The following PCDH15 variants were observed in gnomAD, a reference collection of about 807,000 sequenced individuals.
The protein encoded by PCDH15 is protocadherin-15.
PCDH15 carries 129 observed loss-of-function variants against 178.5 expected under a neutral mutation model. That is an observed-to-expected ratio of 0.72 (90% CI 0.63 to 0.84). The LOEUF is 0.84. PCDH15 is among the 40% of genes least tolerant of loss of function. The pLI, the probability that PCDH15 is intolerant of heterozygous loss-of-function variation, is 0.00. For missense variants in PCDH15, 2,230 were observed against 2,099.9 expected (o/e 1.06, Z -1.21); for synonymous variants, 800 against 732.0 (o/e 1.09, Z -1.50).
At chr10:54,651,135 C>T (rs938252300) in intron 2 of PCDH15, among the ~76,000 whole-genome samples, 3 of 151,740 alleles carry the variant, frequency 2.0e-5, no homozygotes, top group African/African-American at 7.3e-5. Flanking sequence ...TATAAATGAG[C>T]CCTGGATAGA....
intron 2 of PCDH15, among the ~76,000 whole-genome samples, chr10:55,352,839 A>T (rs1844973888): frequency 6.6e-6 from 1 of 152,132 alleles, no homozygotes; most frequent in Non-Finnish European, 1.5e-5. Context: ...CACCAAAAAA[A>T]GGTCATAGTC....
At chr10:54,447,948 T>C (rs933158980) in intron 3 of PCDH15, among the ~76,000 whole-genome samples, 2 of 90,386 alleles carry the variant, frequency 2.2e-5, no homozygotes, top group Middle Eastern at 5.9e-3. Flanking sequence ...TGAGAAAGTA[T>C]ATTACTCAAT....
chr10:53,925,766 A>G (rs1277667411), intron 25 of PCDH15, among the ~76,000 whole-genome samples: 1 of 152,044 alleles, frequency 6.6e-6, no homozygotes, highest in Non-Finnish European at 1.5e-5. Context: ...GTGTGTTCAG[A>G]TGTGTGCAAA....
intron 2 of PCDH15, among the ~76,000 whole-genome samples, chr10:55,417,080 T>A (rs1417276253): frequency 6.6e-6 from 1 of 151,778 alleles, no homozygotes; most frequent in Non-Finnish European, 1.5e-5. Context: ...TTTTTAATTG[T>A]TTAAAAAAAT....
At chr10:53,969,530 A>C (rs2089439419) in intron 21 of PCDH15, among the ~76,000 whole-genome samples, 2 of 152,210 alleles carry the variant, frequency 1.3e-5, no homozygotes, top group Admixed American at 6.5e-5. Context: ...ACTCCTCAAG[A>C]AGAGCAACTC....
At position 54,329,659 on chromosome 10, in the gene PCDH15, T is replaced by C. The variant is rs1191388453; in HGVS notation, c.642A>G (p.Ile214Met). 2 of 1,609,350 alleles carry C rather than the reference T, an allele frequency of 1.2e-6. No individual in the cohort carries two copies. The highest frequency in any genetic ancestry group is 1.7e-6 in the Non-Finnish European group (2 of 1,176,126). The stretch of plus-strand genomic sequence containing the variant: ...CATAGTTGAGCCTCTTCCTTAACAC[T>C]ATATTTCCAGTCAACATTAGGGGAA... ...FEIPLMLTGNIVLRKRLNYED... is the reference protein window; with the variant it reads ...FEIPLMLTGNMVLRKRLNYED... Residue 214 changes from isoleucine (I) to methionine (M), a missense_variant, in exon 7 of 38, where the codon ATA becomes ATG. Physicochemically the swap from Ile to Met is conservative, Grantham distance 10. Transcript: ENST00000644397.
intron 2 of PCDH15, among the ~76,000 whole-genome samples, chr10:54,647,446 A>T (rs1197256092): frequency 6.6e-6 from 1 of 152,082 alleles, no homozygotes; most frequent in Non-Finnish European, 1.5e-5. Flanking sequence ...CTGATGAATA[A>T]CATTATGGTA....
At chr10:54,422,216 G>A (rs1955617173) in intron 3 of PCDH15, among the ~76,000 whole-genome samples, 1 of 151,760 alleles carries the variant, frequency 6.6e-6, no homozygotes, top group Admixed American at 6.6e-5. Context: ...CACAGAGGAT[G>A]GGATTCTAAA....
intron 2 of PCDH15, among the ~76,000 whole-genome samples, chr10:55,489,322 C>G (rs1251551168): frequency 6.6e-6 from 1 of 151,462 alleles, no homozygotes; most frequent in Non-Finnish European, 1.5e-5. Flanking sequence ...TTAGTCTTAC[C>G]ATACCAGCAG....
At chr10:55,223,129 C>A (rs1279726135) in intron 1 of PCDH15, among the ~76,000 whole-genome samples, 2 of 151,996 alleles carry the variant, frequency 1.3e-5, no homozygotes, top group East Asian at 3.9e-4. Flanking sequence ...CTTATGTGAC[C>A]GAGGTATTAA....
At chr10:53,892,530 G>A (rs11003917) in intron 26 of PCDH15, among the ~76,000 whole-genome samples, 79,150 of 151,976 alleles carry the variant, frequency 0.52, 22,347 homozygotes, top group Middle Eastern at 0.69. Flanking sequence ...TTTGTGTGGA[G>A]AGGGGGAAGA....
intron 3 of PCDH15, among the ~76,000 whole-genome samples, chr10:54,465,384 C>A (rs764110183): frequency 1.3e-5 from 2 of 152,008 alleles, no homozygotes; most frequent in Non-Finnish European, 2.9e-5. Context: ...CATTAACCTA[C>A]TCTCTTTATC....
At chr10:54,753,974 GA>G (rs1946706534) in intron 1 of PCDH15, among the ~76,000 whole-genome samples, 1 of 128,246 alleles carries the variant, frequency 7.8e-6, no homozygotes, top group Non-Finnish European at 1.7e-5. Flanking sequence ...ACGGCCGGCT[GA>G]TTTTTTTTTT....
At chr10:54,784,300 T>TA (rs1950637065) in intron 1 of PCDH15, among the ~76,000 whole-genome samples, 1 of 139,662 alleles carries the variant, frequency 7.2e-6, no homozygotes, top group Non-Finnish European at 1.5e-5. Context: ...TTTTAAAAAA[T>TA]AAAAAAATAA....
chr10:55,399,722 G>A (rs1265111393), intron 2 of PCDH15, among the ~76,000 whole-genome samples: 1 of 152,048 alleles, frequency 6.6e-6, no homozygotes, highest in African/African-American at 2.4e-5. Context: ...CTGTTCAAGG[G>A]CAAAAGCAAA....
intron 20 of PCDH15, among the ~76,000 whole-genome samples, chr10:54,016,142 A>T (rs1419720834): frequency 6.6e-6 from 1 of 152,138 alleles, no homozygotes; most frequent in East Asian, 1.9e-4. Context: ...GAAGACATAC[A>T]TATGGTGAAC....
At chr10:54,402,433 A>G (rs1952047582) in intron 3 of PCDH15, among the ~76,000 whole-genome samples, 1 of 152,024 alleles carries the variant, frequency 6.6e-6, no homozygotes, top group Admixed American at 6.6e-5. Flanking sequence ...ATGATCGTTT[A>G]TGTATAAAAT....
At chr10:54,588,560 G>A in intron 2 of PCDH15, among the ~76,000 whole-genome samples, 1 of 152,170 alleles carries the variant, frequency 6.6e-6, no homozygotes, top group East Asian at 1.9e-4. Context: ...AATCAGTGAT[G>A]TGCCATACTT....
chr10:54,881,218 G>C (rs11004617), intron 3 of PCDH15, among the ~76,000 whole-genome samples: 17,083 of 152,050 alleles, frequency 0.11, 1,317 homozygotes, highest in East Asian at 0.24. Flanking sequence ...TAGCAGGGGC[G>C]CTTTGAGGAA....
Sources: gnomAD v4.1 joint callset for allele counts (sites outside exome capture counted in the v4.1 genomes callset) on GRCh38, gnomAD v4.1.1 for gene constraint, MANE v1.5 for transcripts, NCBI Gene and HGNC (gene_info 2026-07-23, HGNC 2026-07-21) for gene names.